The following C1QTNF12 variants were observed in gnomAD, a reference collection of about 807,000 sequenced individuals.
C1QTNF12 encodes the protein C1q and TNF related 12, also known as adipolin.
A neutral mutation model predicts 34.3 loss-of-function variants in C1QTNF12; 39 were observed. That is an observed-to-expected ratio of 1.14 (90% confidence interval 0.88 to 1.49). The LOEUF (loss-of-function observed/expected upper bound fraction) is 1.49, where lower values mean the gene tolerates loss of function less well. C1QTNF12 is among the 40% of genes most tolerant of loss of function. The pLI is 0.00. For missense variants in C1QTNF12, 497 were observed against 424.7 expected (o/e 1.17, Z -1.50); for synonymous variants, 220 against 196.9 (o/e 1.12, Z -0.98).
Position 1,243,447 on chromosome 1 carries a change from C to A in C1QTNF12, c.637G>T (p.Val213Leu). ...GGCACTGCCCCATCCGGCTCACCCA[C>A]GTGCAGACTGGCAGAGAACTGGAAG... is the stretch of plus-strand genomic sequence containing the variant. ...GIFQFSASLH[V>L]DHSELQGKAR... Residue 213 changes from valine to leucine, a missense_variant, in exon 5 of 8, where the codon GTG (valine) becomes TTG (leucine). Coordinates refer to ENST00000330388, the MANE Select transcript of C1QTNF12 (RefSeq NM_001014980.3). The A allele has an allele frequency of 6.4e-7, 1 of 1,553,754 alleles. No individual in the cohort carries two copies. Among genetic ancestry groups the A allele is most frequent in the Admixed American group, 1.9e-5 (1 of 51,760 alleles).
intron 4 of C1QTNF12, 46 bp from the exon 5 acceptor site, chr1:1,243,598 A>G: frequency 6.9e-7 from 1 of 1,448,382 alleles, no homozygotes; most frequent in Non-Finnish European, 9.4e-7. Context: ...CCTGGCCCCC[A>G]CCCCACAGAC....
intron 1 of C1QTNF12, among the ~76,000 whole-genome samples, chr1:1,245,686 G>A (rs146430139): frequency 0.014 from 2,061 of 152,272 alleles, 26 homozygotes; most frequent in Middle Eastern, 0.054. Flanking sequence ...TGGCAGAGCC[G>A]CGGCCTCAAC....
chr1:1,244,576 CAG>C (rs1162006709), intron 1 of C1QTNF12, 79 bp from the exon 2 acceptor site: 3 of 1,111,444 alleles, frequency 2.7e-6, no homozygotes, highest in African/African-American at 3.1e-5. Context: ...GGGGAGCACT[CAG>C]GGCAGAACCA....
intron 4 of C1QTNF12, 99 bp downstream of exon 4, chr1:1,243,855 C>A: frequency 1.7e-4 from 181 of 1,068,848 alleles, no homozygotes; most frequent in Non-Finnish European, 2.2e-4. Flanking sequence ...CAGCCCCCAA[C>A]CCACATGCTG....
chr1:1,242,969 C>G, intron 6 of C1QTNF12, 56 bp from the exon 7 acceptor site: 1 of 1,583,492 alleles, frequency 6.3e-7, no homozygotes. Flanking sequence ...GGGGCCAAGA[C>G]CTGCTCCAGT....
Position 1,244,109 on chromosome 1 carries a change from T to G in C1QTNF12, c.380-4A>C. The G allele has an allele frequency of 1.3e-6, 2 of 1,574,648 alleles. No homozygotes were observed. Among genetic ancestry groups the G allele is most frequent in the Non-Finnish European group, 1.7e-6 (2 of 1,160,208 alleles). On this transcript the variant is annotated splice_polypyrimidine_tract_variant and splice_region_variant and intron_variant, in intron 3 of 7. Coordinates refer to ENST00000330388, the MANE Select transcript of C1QTNF12 (RefSeq NM_001014980.3). ...GAGAACCGGCGCTCCGTGGCCTCTG[T>G]GGGGAGGAGGGCACAGGCGGCCAGC...
intron 1 of C1QTNF12, 41 bp from the exon 2 acceptor site, chr1:1,244,538 C>T (rs1183057026): frequency 3.5e-6 from 5 of 1,439,382 alleles, no homozygotes; most frequent in Non-Finnish European, 4.9e-6. Context: ...AGGCTGCACC[C>T]TGCAGAGAGC....
At chr1:1,243,870 A>G in intron 4 of C1QTNF12, 84 bp downstream of exon 4, 2 of 962,490 alleles carry the variant, frequency 2.1e-6, no homozygotes, top group South Asian at 1.4e-5. Flanking sequence ...ATGCTGCCCC[A>G]TGAGTGTCAG....
Position 1,246,086 on chromosome 1 carries a change from G to A in C1QTNF12, c.177+428C>T, listed in dbSNP as rs1479335689. On this transcript the variant is annotated intron_variant, in intron 1 of 7. Coordinates refer to ENST00000330388, the MANE Select transcript of C1QTNF12 (RefSeq NM_001014980.3). This position sits in a 1 kb window ranked among gnomAD's most constrained non-coding sequence, Gnocchi z 4.5. ...GCACAAGGGACAGGCTCGCCATGGC[G>A]TCTCCAGCCGCAGGAGTCATGGGGC... 2.6e-5 allele frequency among the ~76,000 whole-genome samples: 4 copies of A among 152,150 alleles called. No individual in the cohort carries two copies. The highest frequency in any genetic ancestry group is 7.2e-5 in the African/African-American group (3 of 41,432).
At position 1,242,630 on chromosome 1, in the gene C1QTNF12, G is replaced by T. The variant is rs781246206; in HGVS notation, c.827C>A (p.Ser276Tyr). The change falls in exon 8 of 8, where the codon TCT becomes TAT. Residue 276 changes from serine (S) to tyrosine (Y), a missense_variant. Physicochemically the swap from Ser to Tyr is moderately radical, Grantham distance 144. Coordinates refer to ENST00000330388, the MANE Select transcript of C1QTNF12 (RefSeq NM_001014980.3). Reference sequence around the variant, plus strand: ...CCCGGAGCCATTGTCCACAAACACAGAAGCGTACTGTCCAGCCTGTAAGAA... The same window carrying T: ...CCCGGAGCCATTGTCCACAAACACATAAGCGTACTGTCCAGCCTGTAAGAA... ...LLQLQAGQYA[S>Y]VFVDNGSGAV... The T allele has an allele frequency of 4.4e-6, 7 of 1,594,268 alleles. No individual in the cohort carries two copies. The South Asian group carries it at 7.9e-5, about 18-fold the overall frequency.
upstream of C1QTNF12, chr1:1,246,739 C>T (rs1413161333): frequency 5.8e-6 from 7 of 1,202,708 alleles, no homozygotes; most frequent in Non-Finnish European, 7.2e-6. The surrounding 1 kb of genome is among the most constrained non-coding windows in gnomAD (Gnocchi z 4.5). Flanking sequence ...CGCCAGGGCG[C>T]AGTCATGGGG....
At chr1:1,243,862 G>T in intron 4 of C1QTNF12, 92 bp downstream of exon 4, 137 of 1,082,244 alleles carry the variant, frequency 1.3e-4, no homozygotes, top group Middle Eastern at 6.1e-4. Flanking sequence ...CAACCCACAT[G>T]CTGCCCCATG....
Position 1,246,107 on chromosome 1 carries a change from G to T in C1QTNF12, c.177+407C>A, listed in dbSNP as rs527855045. Among the ~76,000 whole-genome samples the T allele has an allele frequency of 6.6e-6, 1 of 152,288 alleles. No homozygotes were observed. The highest frequency in any genetic ancestry group is 2.1e-4 in the South Asian group (1 of 4,828). ...TGGCGTCTCCAGCCGCAGGAGTCATGGGGCGCTGGACTCCCAAGGGGTCTG... is the reference window on the plus strand; with the variant it reads ...TGGCGTCTCCAGCCGCAGGAGTCATTGGGCGCTGGACTCCCAAGGGGTCTG... On this transcript the variant is annotated intron_variant, in intron 1 of 7. Transcript: ENST00000330388. The surrounding 1 kb of genome is among the most constrained non-coding windows in gnomAD (Gnocchi z 4.5).
At chr1:1,245,609 C>A (rs1435041384) in intron 1 of C1QTNF12, among the ~76,000 whole-genome samples, 1 of 152,050 alleles carries the variant, frequency 6.6e-6, no homozygotes, top group Non-Finnish European at 1.5e-5. Context: ...GACCCCCCCA[C>A]TGCCCCGCCC....
intron 4 of C1QTNF12, 122 bp downstream of exon 4, chr1:1,243,832 C>T (rs1638805955): frequency 4.6e-6 from 6 of 1,315,956 alleles, no homozygotes; most frequent in Admixed American, 2.4e-5. Context: ...CCTCGCCCTC[C>T]GAGCCCCGCC....
At chr1:1,245,826 G>A (rs1157669476) in intron 1 of C1QTNF12, among the ~76,000 whole-genome samples, 2 of 152,220 alleles carry the variant, frequency 1.3e-5, no homozygotes, top group Non-Finnish European at 2.9e-5. Flanking sequence ...AAGGTGTGAG[G>A]GCCGGGGATG....
At chr1:1,246,852 G>A (rs1481061915), upstream of C1QTNF12, 3 of 410,748 alleles carry the variant, frequency 7.3e-6, no homozygotes, top group African/African-American at 2.1e-5. The surrounding 1 kb of genome is among the most constrained non-coding windows in gnomAD (Gnocchi z 4.5). Context: ...GCGGCGCGAC[G>A]GCGCTCAGGT....
intron 1 of C1QTNF12, among the ~76,000 whole-genome samples, chr1:1,245,558 G>A (rs2101009860): frequency 6.6e-6 from 1 of 151,840 alleles, no homozygotes. Context: ...GGGCAGTGGG[G>A]TGCCCCCTCC....
intron 5 of C1QTNF12, 23 bp downstream of exon 5, chr1:1,243,421 C>G: frequency 1.9e-6 from 3 of 1,539,992 alleles, no homozygotes; most frequent in Non-Finnish European, 2.6e-6. Flanking sequence ...TCACAGCACA[C>G]GGCACTGCCC....
Sources: gnomAD v4.1 joint callset for allele counts (sites outside exome capture counted in the v4.1 genomes callset) on GRCh38, gnomAD v4.1.1 for gene constraint, Gnocchi (gnomAD v3.1) non-coding constraint, MANE v1.5 for transcripts, NCBI Gene and HGNC (gene_info 2026-07-23, HGNC 2026-07-21) for gene names.